ELAVL2: variants seen among roughly 807,000 people sequenced by gnomAD.
ELAVL2 encodes ELAV like RNA binding protein 2.
Under a neutral mutation model 34.6 loss-of-function variants are expected in ELAVL2, and 4 were observed. The observed-to-expected ratio is 0.12, with a 90% CI of 0.06 to 0.26. ELAVL2 has a LOEUF of 0.26. Among genes scored for constraint, ELAVL2 ranks in the 10% least tolerant of loss-of-function variants. The probability of loss-of-function intolerance (pLI) is 1.00; values close to 1 mark genes in which losing one functional copy is unlikely to be tolerated. For missense variants in ELAVL2, 432 were observed against 442.8 expected, an observed-to-expected ratio of 0.98 and a Z score of 0.22; for synonymous variants, 193 against 154.8, an observed-to-expected ratio of 1.25 and a Z score of -1.83.
At chr9:23,734,957 A>G (rs1199538298) in intron 2 of ELAVL2, among the ~76,000 whole-genome samples, 1 of 151,988 alleles carries the variant, frequency 6.6e-6, no homozygotes, top group Non-Finnish European at 1.5e-5. Context: ...CTCTGAATTT[A>G]GAATGTGCAT....
intron 4 of ELAVL2, among the ~76,000 whole-genome samples, chr9:23,702,223 T>A (rs1415683264): frequency 6.6e-6 from 1 of 152,206 alleles, no homozygotes; most frequent in Non-Finnish European, 1.5e-5. Context: ...TGCTTCTGAC[T>A]AGCTATATTT....
chr9:23,770,276 C>A (rs2136280120), intron 1 of ELAVL2, among the ~76,000 whole-genome samples: 1 of 152,060 alleles, frequency 6.6e-6, no homozygotes, highest in East Asian at 1.9e-4. Context: ...GGGTAGTTTC[C>A]AGCATTAAAC....
chr9:23,767,861 T>A (rs2056604047), intron 1 of ELAVL2, among the ~76,000 whole-genome samples: 1 of 152,114 alleles, frequency 6.6e-6, no homozygotes, highest in East Asian at 1.9e-4. Flanking sequence ...GGAAAAAGGT[T>A]CCATAGCCTA....
At chr9:23,787,198 C>T (rs1047608595) in intron 1 of ELAVL2, among the ~76,000 whole-genome samples, 26 of 151,682 alleles carry the variant, frequency 1.7e-4, no homozygotes, top group Admixed American at 9.2e-4. Flanking sequence ...TGCTCTAAGC[C>T]GTTTTAAAGG....
At chr9:23,740,331 AC>A (rs1296610509) in intron 2 of ELAVL2, among the ~76,000 whole-genome samples, 1 of 152,218 alleles carries the variant, frequency 6.6e-6, no homozygotes, top group African/African-American at 2.4e-5. Context: ...CATTTTACGG[AC>A]ATAAAGTTGG....
the ELAVL2 span, among the ~76,000 whole-genome samples, chr9:23,844,129 A>T: frequency 6.6e-6 from 1 of 152,170 alleles, no homozygotes; most frequent in East Asian, 1.9e-4. Flanking sequence ...TGAATACCAC[A>T]CTAAAGTCAA....
rs1395723281 is a variant in ELAVL2 at position 23,762,155 on chromosome 9, G to A, written c.80C>T (p.Ser27Leu). 6.2e-7 allele frequency: 1 copy of A among 1,613,654 alleles called. No individual in the cohort carries two copies. Among genetic ancestry groups the A allele is most frequent in the South Asian group, 1.1e-5 (1 of 91,080 alleles). The change falls in exon 2 of 7, where the codon TCA becomes TTA. Residue 27 changes from serine to leucine, a missense_variant. By Grantham distance (145) the Ser-to-Leu change is moderately radical (BLOSUM62 -2). This residue lies in a region of ELAVL2 where 132 missense variants were observed against 118.3 expected (regional missense o/e 1.12). Transcript: ENST00000397312. ...GPTTINNNCS[S>L]PVDSGNTEDS... ...TTCTGTGTTCCCAGAGTCAACTGGT[G>A]ACGAACAGTTGTTGTTTATGGTGGT... is the stretch of plus-strand genomic sequence containing the variant.
At chr9:23,746,652 G>A (rs897377648) in intron 2 of ELAVL2, among the ~76,000 whole-genome samples, 8 of 151,968 alleles carry the variant, frequency 5.3e-5, no homozygotes, top group Admixed American at 5.2e-4. Context: ...CAGGCAGAAA[G>A]AGAGAGGACC....
In ELAVL2 at chr9:23,691,221, C is replaced by A. The variant is rs897259071; in HGVS notation, c.*1336G>T. On this transcript the variant is annotated 3_prime_UTR_variant, in exon 7 of 7. Coordinates refer to ENST00000397312, the MANE Select transcript of ELAVL2 (RefSeq NM_004432.5). Reference sequence around the variant, plus strand: ...ACAAAGGAAAAAACTGATACAAAAACATTCAAAACCTGAACATCACTTGGC... The same window carrying A: ...ACAAAGGAAAAAACTGATACAAAAAAATTCAAAACCTGAACATCACTTGGC... The A allele has an allele frequency of 1.3e-5, 2 of 152,488 alleles. No individual in the cohort carries two copies. The highest frequency in any genetic ancestry group is 2.9e-5 in the Non-Finnish European group (2 of 67,974). The allele number at this position is 152,488 out of a possible 1,614,324, so 9.4% of individuals were successfully genotyped here.
rs141323505 is a variant in ELAVL2, at chr9:23,722,366, T to C, written c.333+8656A>G. On this transcript the variant is annotated intron_variant, in intron 3 of 6. Transcript: ENST00000397312. ...TAATAATTTTACTGTTCATTACAACTGAAATAACTGAATCAATGTTAACTC... is the reference window on the plus strand; with the variant it reads ...TAATAATTTTACTGTTCATTACAACCGAAATAACTGAATCAATGTTAACTC... 5.9e-5 allele frequency among the ~76,000 whole-genome samples: 9 copies of C among 152,358 alleles called. No homozygotes were observed. In the East Asian group the frequency reaches 1.5e-3, roughly 26 times the overall value.
intron 2 of ELAVL2, among the ~76,000 whole-genome samples, chr9:23,753,574 A>T (rs1278781030): frequency 6.6e-6 from 1 of 152,204 alleles, no homozygotes; most frequent in African/African-American, 2.4e-5. Context: ...CAGAATTTTA[A>T]AATTCTATAA....
chr9:23,806,364 G>C (rs78645909), intron 1 of ELAVL2, among the ~76,000 whole-genome samples: 2,461 of 152,188 alleles, frequency 0.016, 33 homozygotes, highest in Non-Finnish European at 0.027. Context: ...AGCCAGGTGA[G>C]GTGGCTCAGG....
chr9:23,693,310 G>T, intron 6 of ELAVL2, 138 bp downstream of exon 6: 1 of 1,057,646 alleles, frequency 9.5e-7, no homozygotes, highest in Non-Finnish European at 1.4e-6. Context: ...GTGCTTCAAA[G>T]AGCAGCTTTT....
chr9:23,800,384 C>G (rs879363325), intron 1 of ELAVL2, among the ~76,000 whole-genome samples: 1 of 152,294 alleles, frequency 6.6e-6, no homozygotes, highest in South Asian at 2.1e-4. Flanking sequence ...GCACCCTTCA[C>G]AACCCGGGAT....
At chr9:23,730,514 G>C (rs2046271580) in intron 3 of ELAVL2, among the ~76,000 whole-genome samples, 1 of 152,040 alleles carries the variant, frequency 6.6e-6, no homozygotes. Context: ...AAGAATATTT[G>C]TAATACATAA....
chr9:23,786,870 G>A (rs946893847), intron 1 of ELAVL2, among the ~76,000 whole-genome samples: 2 of 150,328 alleles, frequency 1.3e-5, no homozygotes, highest in Non-Finnish European at 3.0e-5. Context: ...ACACCCACAT[G>A]ACCCAGTTTA....
the ELAVL2 span, among the ~76,000 whole-genome samples, chr9:23,842,515 C>G: frequency 6.6e-6 from 1 of 151,996 alleles, no homozygotes; most frequent in South Asian, 2.1e-4. Context: ...TTGATACTGG[C>G]CAGTCTTAGG....
intron 1 of ELAVL2, among the ~76,000 whole-genome samples, chr9:23,769,751 G>A (rs1005175182): frequency 2.0e-5 from 3 of 152,140 alleles, no homozygotes; most frequent in African/African-American, 2.4e-5. Flanking sequence ...ACAGCTGCAC[G>A]CGTCATAAGG....
At chr9:23,707,114 C>T (rs1480914648) in intron 3 of ELAVL2, among the ~76,000 whole-genome samples, 1 of 152,122 alleles carries the variant, frequency 6.6e-6, no homozygotes, top group African/African-American at 2.4e-5. Context: ...TTTGTTTTCT[C>T]TATGCCTAAA....
Sources: gnomAD v4.1 joint callset for allele counts (sites outside exome capture counted in the v4.1 genomes callset) on GRCh38, gnomAD v4.1.1 for gene constraint, gnomAD v4.1.1 regional missense constraint, MANE v1.5 for transcripts, NCBI Gene and HGNC (gene_info 2026-07-23, HGNC 2026-07-21) for gene names.